The following ANO6 variants were observed in gnomAD, a reference collection of about 807,000 sequenced individuals.
ANO6 encodes anoctamin-6.
Under a neutral mutation model 117.5 loss-of-function variants are expected in ANO6, and 106 were observed. The ratio of observed to expected loss-of-function variants is 0.90; its 90% CI spans 0.77 to 1.06. ANO6 has a LOEUF of 1.06. ANO6 is among the 50% of genes least tolerant of loss of function. ANO6 has a pLI of 0.00. For missense variants in ANO6, 955 were observed against 1,121.1 expected (o/e 0.85, Z 2.12); for synonymous variants, 367 against 385.1 (o/e 0.95, Z 0.55).
chr12:45,438,101 C>A (rs575538273), intron 19 of ANO6, among the ~76,000 whole-genome samples: 2 of 152,196 alleles, frequency 1.3e-5, no homozygotes, highest in South Asian at 2.1e-4. Flanking sequence ...CTGGTGCTTC[C>A]GCTCAGGCAA....
intron 3 of ANO6, among the ~76,000 whole-genome samples, chr12:45,345,102 A>G (rs1317524961): frequency 6.6e-6 from 1 of 152,206 alleles, no homozygotes; most frequent in Non-Finnish European, 1.5e-5. Flanking sequence ...TTGTATGTTC[A>G]AATTGCAGCC....
chr12:45,330,560 A>G (rs1392675680), intron 2 of ANO6, among the ~76,000 whole-genome samples: 2 of 152,148 alleles, frequency 1.3e-5, no homozygotes, highest in South Asian at 2.1e-4. Context: ...ATCCAACTCC[A>G]TATGTTCACA....
chr12:45,427,426 G>C (rs982772897), intron 19 of ANO6, among the ~76,000 whole-genome samples: 1 of 152,070 alleles, frequency 6.6e-6, no homozygotes, highest in Non-Finnish European at 1.5e-5. Flanking sequence ...CTCTGCATTG[G>C]CTATTCCCTT....
chr12:45,276,041 GCTTCCA>G (rs1469550690), intron 1 of ANO6, among the ~76,000 whole-genome samples: 1 of 152,100 alleles, frequency 6.6e-6, no homozygotes, highest in African/African-American at 2.4e-5. Context: ...CTCTTGATTT[GCTTCCA>G]TGTCCCATCT....
chr12:45,388,737 T>C (rs1042960741), intron 11 of ANO6, among the ~76,000 whole-genome samples: 2 of 152,158 alleles, frequency 1.3e-5, no homozygotes, highest in Non-Finnish European at 2.9e-5. Flanking sequence ...TAAGCCTCAG[T>C]CACTGCTCCA....
intron 12 of ANO6, among the ~76,000 whole-genome samples, chr12:45,397,458 C>T (rs774268888): frequency 2.0e-5 from 3 of 152,110 alleles, no homozygotes; most frequent in Non-Finnish European, 2.9e-5. Context: ...CTAGAAATAC[C>T]ATTTGACCCA....
chr12:45,436,708 CTG>C, downstream of ANO6, among the ~76,000 whole-genome samples: 1 of 152,348 alleles, frequency 6.6e-6, no homozygotes, highest in South Asian at 2.1e-4. Context: ...TGGCTCACGT[CTG>C]TAATCCCAGC....
chr12:45,430,386 G>A lies in ANO6; in HGVS notation c.*1075G>A. 1 of 985,424 alleles carries A rather than the reference G, an allele frequency of 1.0e-6. No individual in the cohort carries two copies. The highest frequency in any genetic ancestry group is 1.2e-6 in the Non-Finnish European group (1 of 829,964). The allele number at this position is 985,424 out of a possible 1,614,324, so 61.0% of individuals were successfully genotyped here. On this transcript the variant is annotated 3_prime_UTR_variant, in exon 20 of 20. Transcript: ENST00000320560. ...GCCCTCATTGTGGTCATTGGGTGGG[G>A]AGTGCCTTTTGTCAAGGAGTCTGCA...
chr12:45,376,115 T>C (rs1188522235), intron 9 of ANO6, among the ~76,000 whole-genome samples: 1 of 151,482 alleles, frequency 6.6e-6, no homozygotes, highest in Non-Finnish European at 1.5e-5. Context: ...TCATCATCAC[T>C]GGCCATCAGA....
chr12:45,288,010 A>T (rs763765474), intron 1 of ANO6, among the ~76,000 whole-genome samples: 1 of 152,164 alleles, frequency 6.6e-6, no homozygotes, highest in Non-Finnish European at 1.5e-5. Context: ...AGGTAAGATG[A>T]TAAAAGCCCC....
chr12:45,353,395 T>C (rs1190365802), intron 7 of ANO6, among the ~76,000 whole-genome samples: 1 of 152,226 alleles, frequency 6.6e-6, no homozygotes, highest in Non-Finnish European at 1.5e-5. Context: ...ATTTTATTAA[T>C]TTCCTTTTAT....
At chr12:45,300,690 T>C (rs1939454292) in intron 1 of ANO6, among the ~76,000 whole-genome samples, 1 of 152,208 alleles carries the variant, frequency 6.6e-6, no homozygotes, top group East Asian at 1.9e-4. Flanking sequence ...AATGAGAATA[T>C]TTATTTAAAC....
At position 45,399,584 on chromosome 12, in the gene ANO6, TG is replaced by T. The variant is rs1317358034; in HGVS notation, c.1387-2210del. On this transcript the variant is annotated intron_variant, in intron 12 of 19. Coordinates refer to ENST00000320560, the MANE Select transcript of ANO6 (RefSeq NM_001025356.3). Reference sequence around the variant, plus strand: ...AGATGTCTCCTCACTTCTCAGTGGCTGTTACTGAGTTATGTGTCAATCCCTG... The same window carrying T: ...AGATGTCTCCTCACTTCTCAGTGGCTTTACTGAGTTATGTGTCAATCCCTG... 3.3e-5 allele frequency among the ~76,000 whole-genome samples: 5 copies of T among 152,290 alleles called. No individual in the cohort carries two copies. The East Asian group carries it at 9.7e-4, about 29-fold the overall frequency.
At chr12:45,433,457 G>T (rs1157150979), downstream of ANO6, among the ~76,000 whole-genome samples, 1 of 152,190 alleles carries the variant, frequency 6.6e-6, no homozygotes, top group Non-Finnish European at 1.5e-5. Context: ...ACTGGGGTTG[G>T]TCAGGAGGGA....
At chr12:45,334,901 G>T (rs969603387) in intron 3 of ANO6, among the ~76,000 whole-genome samples, 1 of 151,802 alleles carries the variant, frequency 6.6e-6, no homozygotes, top group Non-Finnish European at 1.5e-5. Context: ...GCTAACAATC[G>T]GCAGAACTGA....
At chr12:45,281,170 A>G (rs993203404) in intron 1 of ANO6, among the ~76,000 whole-genome samples, 1 of 152,328 alleles carries the variant, frequency 6.6e-6, no homozygotes, top group Non-Finnish European at 1.5e-5. Flanking sequence ...TACCTTATTT[A>G]TTCATTTAGT....
chr12:45,394,314 T>C (rs1942547698), intron 12 of ANO6, among the ~76,000 whole-genome samples: 1 of 152,164 alleles, frequency 6.6e-6, no homozygotes, highest in Non-Finnish European at 1.5e-5. Flanking sequence ...TAAATATACA[T>C]GTACCCAATA....
chr12:45,340,314 A>T (rs1421898324), intron 3 of ANO6, among the ~76,000 whole-genome samples: 1 of 152,152 alleles, frequency 6.6e-6, no homozygotes, highest in Admixed American at 6.6e-5. Context: ...TTGAACCTCC[A>T]GTACCATTCT....
intron 2 of ANO6, among the ~76,000 whole-genome samples, chr12:45,307,410 G>A (rs748411697): frequency 6.6e-6 from 1 of 152,132 alleles, no homozygotes; most frequent in African/African-American, 2.4e-5. Flanking sequence ...AATGTGAGCT[G>A]TGCGAGAAAG....
Sources: allele counts gnomAD v4.1 joint callset (sites outside exome capture counted in the v4.1 genomes callset), GRCh38; gene constraint gnomAD v4.1.1; transcripts MANE v1.5; gene names NCBI Gene and HGNC (gene_info 2026-07-23, HGNC 2026-07-21).